LRRK2: variants seen among roughly 807,000 people sequenced by gnomAD.
The protein encoded by LRRK2 is leucine-rich repeat serine/threonine-protein kinase 2.
In LRRK2, 203 loss-of-function variants were observed where a neutral mutation model predicts 302.6. The ratio of observed to expected loss-of-function variants is 0.67; its 90% confidence interval spans 0.60 to 0.75. The LOEUF is 0.75. LRRK2 is among the 30% of genes least tolerant of loss of function. LRRK2 has a pLI of 0.00. For missense variants in LRRK2, 2,830 were observed against 2,951.0 expected, an observed-to-expected ratio of 0.96 and a Z score of 0.95; for synonymous variants, 1,066 against 1,031.9, an observed-to-expected ratio of 1.03 and a Z score of -0.63.
At chr12:40,304,557 CAT>C (rs1944747296) in intron 27 of LRRK2, 2 of 175,590 alleles carry the variant, frequency 1.1e-5, no homozygotes, top group Non-Finnish European at 2.4e-5. Flanking sequence ...TATCATATAA[CAT>C]ATTATAGATT....
At chr12:40,286,981 A>G (rs1230983426) in intron 19 of LRRK2, among the ~76,000 whole-genome samples, 6 of 152,046 alleles carry the variant, frequency 3.9e-5, no homozygotes, top group Non-Finnish European at 7.4e-5. Flanking sequence ...TGTATTTATT[A>G]TCATCTTCAT....
chr12:40,306,835 G>A (rs1455945332), intron 28 of LRRK2, among the ~76,000 whole-genome samples: 2 of 152,166 alleles, frequency 1.3e-5, no homozygotes, highest in South Asian at 2.1e-4. Context: ...TATGAGGAAG[G>A]ATTTTGTTTT....
chr12:40,366,965 A>G (rs372711893), intron 49 of LRRK2, 41 bp from the exon 50 acceptor site: 47 of 1,472,700 alleles, frequency 3.2e-5, no homozygotes, highest in Non-Finnish European at 4.1e-5. Flanking sequence ...AGTTTAATAT[A>G]TAGTTTTAAC....
chr12:40,300,937 T>G, intron 25 of LRRK2: 1 of 471,038 alleles, frequency 2.1e-6, no homozygotes, highest in Non-Finnish European at 4.4e-6. Context: ...ACCTTGAAGC[T>G]TGTGTATGGT....
rs762584163 is a variant in LRRK2 at position 40,225,580 on chromosome 12, TATCCATGTGCCTCTGTTG to T, written c.181_198del (p.His61_Ile66del). ...CCTCCAAGTTATTTCAAGGCAAAAA[TATCCATGTGCCTCTGTTG>T]ATCGTCTTGGACTCCTATATGAGAG... On this transcript the variant is annotated inframe_deletion, in exon 2 of 51. Coordinates refer to ENST00000298910, the MANE Select transcript of LRRK2 (RefSeq NM_198578.4). 14 of 1,614,056 alleles carry T rather than the reference TATCCATGTGCCTCTGTTG, an allele frequency of 8.7e-6. No homozygotes were observed. In the East Asian group the frequency reaches 2.9e-4, roughly 33 times the overall value.
intron 4 of LRRK2, 37 bp downstream of exon 4, chr12:40,235,751 T>TAA: frequency 8.2e-7 from 1 of 1,213,924 alleles, no homozygotes; most frequent in Non-Finnish European, 1.2e-6. Context: ...TGATTCAAAT[T>TAA]AAAAAAAAAG....
intron 14 of LRRK2, among the ~76,000 whole-genome samples, chr12:40,270,106 G>A (rs1016483863): frequency 6.6e-6 from 1 of 152,084 alleles, no homozygotes; most frequent in Non-Finnish European, 1.5e-5. Flanking sequence ...GATAATTCAT[G>A]AAAAAGTGTC....
intron 10 of LRRK2, 29 bp downstream of exon 10, chr12:40,251,573 A>C (rs1942276392): frequency 6.5e-7 from 1 of 1,545,604 alleles, no homozygotes; most frequent in Admixed American, 1.7e-5. Flanking sequence ...ATATGATAGA[A>C]AATTTCAGTT....
intron 39 of LRRK2, among the ~76,000 whole-genome samples, chr12:40,331,802 TAA>T (rs1169921063): frequency 5.9e-5 from 9 of 152,066 alleles, no homozygotes; most frequent in African/African-American, 1.7e-4. Flanking sequence ...TTTTCATCCA[TAA>T]AAAAAGTCAT....
Position 40,240,569 on chromosome 12 carries a change from G to A in LRRK2, c.658G>A (p.Glu220Lys). The A allele has an allele frequency of 6.2e-7, 1 of 1,613,224 alleles. No individual in the cohort carries two copies. The highest frequency in any genetic ancestry group is 8.5e-7 in the Non-Finnish European group (1 of 1,179,494). ...GTTAACAAATTTTAAAGATGAAGAG[G>A]AAATTGTGCTTCATGTGCTGCATTG... ...SALTNFKDEE[E>K]IVLHVLHCLH... Residue 220 changes from glutamate (E) to lysine (K), a missense_variant, in exon 6 of 51, where the codon GAA becomes AAA. This residue lies in a region of LRRK2 where 2,121 missense variants were observed against 2,148.0 expected (regional missense o/e 0.99). Coordinates refer to ENST00000298910, the MANE Select transcript of LRRK2 (RefSeq NM_198578.4).
chr12:40,306,011 A>G, intron 28 of LRRK2, 45 bp downstream of exon 28: 2 of 1,430,616 alleles, frequency 1.4e-6, no homozygotes, highest in Non-Finnish European at 1.9e-6. Flanking sequence ...TTTATTTCAG[A>G]TTTTCTACTC....
At chr12:40,254,522 G>T (rs564242935) in intron 11 of LRRK2, among the ~76,000 whole-genome samples, 107 of 152,252 alleles carry the variant, frequency 7.0e-4, no homozygotes, top group East Asian at 1.2e-3. Flanking sequence ...AAGAGGTCTG[G>T]ACAGGGATTT....
intron 47 of LRRK2, among the ~76,000 whole-genome samples, chr12:40,360,484 C>T (rs534726801): frequency 1.3e-5 from 2 of 152,086 alleles, no homozygotes; most frequent in Non-Finnish European, 1.5e-5. Flanking sequence ...GTGCTGGTAC[C>T]ATGGGCCAGA....
intron 33 of LRRK2, among the ~76,000 whole-genome samples, chr12:40,317,528 A>G (rs1945263372): frequency 6.6e-6 from 1 of 152,124 alleles, no homozygotes; most frequent in South Asian, 2.1e-4. Context: ...TTAGGTCACT[A>G]AACTTATTAA....
At chr12:40,253,093 T>C in intron 11 of LRRK2, 77 bp downstream of exon 11, 1 of 920,692 alleles carries the variant, frequency 1.1e-6, no homozygotes, top group Non-Finnish European at 1.7e-6. Flanking sequence ...CTATATACTG[T>C]GAAAAATTTA....
chr12:40,252,277 A>G (rs1942307944), intron 10 of LRRK2, among the ~76,000 whole-genome samples: 1 of 152,204 alleles, frequency 6.6e-6, no homozygotes. Flanking sequence ...TTGACCGTCT[A>G]TTTGTTTAAT....
chr12:40,324,503 A>G (rs765274210), intron 38 of LRRK2, among the ~76,000 whole-genome samples: 3 of 152,352 alleles, frequency 2.0e-5, no homozygotes, highest in Non-Finnish European at 2.9e-5. Flanking sequence ...TTGATTTAAT[A>G]TAAAGCATTT....
At chr12:40,298,796 T>TATATATATATATATAA (rs1485268496) in intron 24 of LRRK2, among the ~76,000 whole-genome samples, 14 of 117,384 alleles carry the variant, frequency 1.2e-4, no homozygotes, top group Admixed American at 3.7e-4. Flanking sequence ...TATATATATA[T>TATATATATATATATAA]ATAATATATG....
intron 20 of LRRK2, among the ~76,000 whole-genome samples, chr12:40,293,286 G>A (rs985789262): frequency 2.0e-5 from 3 of 151,804 alleles, no homozygotes; most frequent in East Asian, 1.9e-4. Flanking sequence ...TCAGTATCCC[G>A]TGCTTACCCA....
Sources: allele counts gnomAD v4.1 joint callset (sites outside exome capture counted in the v4.1 genomes callset), GRCh38; gene constraint gnomAD v4.1.1; regional missense constraint gnomAD v4.1.1; transcripts MANE v1.5; gene names NCBI Gene and HGNC (gene_info 2026-07-23, HGNC 2026-07-21).